Variants in TRIM67 observed in about 807,000 individuals in gnomAD.
The protein encoded by TRIM67 is tripartite motif-containing protein 67.
TRIM67 carries 39 observed loss-of-function variants against 71.0 expected under a neutral mutation model. That is an observed-to-expected ratio of 0.55 (90% CI 0.43 to 0.72). TRIM67 has a LOEUF of 0.72. Ranked by LOEUF, TRIM67 falls within the 30% of genes least tolerant of loss-of-function variation. The probability of loss-of-function intolerance (pLI) is 0.00; values close to 1 mark genes in which losing one functional copy is unlikely to be tolerated. For synonymous variants in TRIM67, 481 were observed against 473.9 expected, an observed-to-expected ratio of 1.01 and a Z score of -0.19; for missense variants, 973 against 1,079.2, an observed-to-expected ratio of 0.90 and a Z score of 1.38.
At chr1:231,197,260 C>T (rs1571891353) in intron 1 of TRIM67, 111 bp from the exon 2 acceptor site, 6 of 758,272 alleles carry the variant, frequency 7.9e-6, no homozygotes, top group Admixed American at 2.3e-5. Context: ...ACAGCAGATG[C>T]GTGGGATCAG....
chr1:231,212,734 AAGGAAGGGAAGGAG>A (rs1290937510), intron 8 of TRIM67, among the ~76,000 whole-genome samples: 1 of 152,130 alleles, frequency 6.6e-6, no homozygotes. Context: ...AAACCACCTC[AAGGAAGGGAAGGAG>A]AGTCTGCAGG....
chr1:231,170,410 T>C (rs1387290485), intron 1 of TRIM67, among the ~76,000 whole-genome samples: 2 of 152,218 alleles, frequency 1.3e-5, no homozygotes, highest in Admixed American at 6.5e-5. Flanking sequence ...ACTATTTATA[T>C]AGAGAAATAT....
intron 1 of TRIM67, among the ~76,000 whole-genome samples, chr1:231,173,010 A>G (rs370749610): frequency 6.6e-6 from 1 of 152,228 alleles, no homozygotes. Context: ...TTCTGAGCTG[A>G]TGCTGCTAAT....
intron 1 of TRIM67, among the ~76,000 whole-genome samples, chr1:231,165,406 G>A (rs1180278569): frequency 6.6e-6 from 1 of 152,184 alleles, no homozygotes; most frequent in East Asian, 1.9e-4. Flanking sequence ...GTATAATACT[G>A]TATGTTTAGC....
In TRIM67 at chr1:231,185,815, G is replaced by A. The variant is rs147342809; in HGVS notation, c.1045-11556G>A. ...GCGAGGGCCACAGTCGGAGGTAAGC[G>A]AGAGGTGATGGCAGAACAGAGATGA... On this transcript the variant is annotated intron_variant, in intron 1 of 9. Coordinates refer to ENST00000366653, the MANE Select transcript of TRIM67 (RefSeq NM_001004342.5). 1.8e-4 allele frequency among the ~76,000 whole-genome samples: 28 copies of A among 152,016 alleles called. 1 individual carries two copies. The East Asian group carries it at 4.2e-3, about 23-fold the overall frequency.
rs768391397 is a variant in TRIM67, at chr1:231,163,830, G to A, written c.861G>A (p.Ala287=). 3.3e-6 allele frequency: 5 copies of A among 1,520,100 alleles called. No homozygotes were observed. The highest frequency in any genetic ancestry group is 2.8e-5 in the African/African-American group (2 of 70,940). The allele number at this position is 1,520,100 out of a possible 1,614,324, so 94.2% of individuals were successfully genotyped here. The change falls in exon 1 of 10, where the codon GCG becomes GCA. Residue 287 remains alanine, a synonymous_variant. Transcript: ENST00000366653. ...GGGGCKSPGG[A]GAGATGGSTA... ...GCGGCTGCAAGAGCCCGGGAGGCGC[G>A]GGGGCGGGGGCGACTGGGGGCAGCA...
intron 5 of TRIM67, among the ~76,000 whole-genome samples, chr1:231,202,428 A>G (rs1244171510): frequency 3.3e-5 from 5 of 152,134 alleles, no homozygotes; most frequent in Admixed American, 3.3e-4. Flanking sequence ...TCCCAAGAGC[A>G]AGAAGGTCAG....
In TRIM67 at chr1:231,201,618, A is replaced by G; in HGVS notation, c.1534+101A>G. The G allele has an allele frequency of 5.7e-6, 8 of 1,402,696 alleles. No individual in the cohort carries two copies. The South Asian group carries it at 1.1e-4, about 20-fold the overall frequency. The allele number at this position is 1,402,696 out of a possible 1,614,324, so 86.9% of individuals were successfully genotyped here. A position where few individuals can be genotyped will look rare whatever the true frequency, so the allele number is the denominator to read the frequency against. ...CCATAGGGAGACCTGTGATGCACGG[A>G]GTGTGGCAGGGTGGGAGAGCAGGAG... On this transcript the variant is annotated intron_variant, in intron 5 of 9. Coordinates refer to ENST00000366653, the MANE Select transcript of TRIM67 (RefSeq NM_001004342.5).
rs1276106358 is a variant in TRIM67, at chr1:231,221,176, G to C, written c.*5736G>C. On this transcript the variant is annotated 3_prime_UTR_variant, in exon 10 of 10. Coordinates refer to ENST00000366653, the MANE Select transcript of TRIM67 (RefSeq NM_001004342.5). ...TAACGTTGGCAAAGGGATTTAACAAGAAACAAAAAGCTTCGCGTCCTTGTT... is the reference window on the plus strand; with the variant it reads ...TAACGTTGGCAAAGGGATTTAACAACAAACAAAAAGCTTCGCGTCCTTGTT... 6.6e-6 allele frequency: 1 copy of C among 152,208 alleles called. No individual in the cohort carries two copies. The highest frequency in any genetic ancestry group is 1.5e-5 in the Non-Finnish European group (1 of 68,026). 9.4% of individuals were successfully genotyped at this position (152,208 alleles called of 1,614,324 possible).
intron 2 of TRIM67, 104 bp from the exon 3 acceptor site, chr1:231,198,943 T>C (rs978251050): frequency 1.3e-6 from 2 of 1,551,274 alleles, no homozygotes; most frequent in Non-Finnish European, 1.8e-6. Context: ...AAATCTAGGA[T>C]GAACTTCTCT....
chr1:231,184,731 C>A (rs1683007860), intron 1 of TRIM67: 1 of 475,290 alleles, frequency 2.1e-6, no homozygotes, highest in Non-Finnish European at 3.8e-6. Flanking sequence ...GGGAAGCTCT[C>A]TCTGGGGTTC....
intron 1 of TRIM67, among the ~76,000 whole-genome samples, chr1:231,169,878 A>C (rs1012405220): frequency 2.6e-5 from 4 of 152,190 alleles, no homozygotes; most frequent in African/African-American, 9.6e-5. Context: ...CAACATCACC[A>C]CTGTCTTCAA....
intron 9 of TRIM67, among the ~76,000 whole-genome samples, chr1:231,214,704 G>A (rs575566775): frequency 2.0e-5 from 3 of 151,352 alleles, no homozygotes; most frequent in East Asian, 2.0e-4. Context: ...GCATGAACCC[G>A]GGAGGCGGAG....
At chr1:231,192,719 C>G (rs558101951) in intron 1 of TRIM67, among the ~76,000 whole-genome samples, 2 of 152,348 alleles carry the variant, frequency 1.3e-5, no homozygotes, top group East Asian at 1.9e-4. Context: ...GGCTGCAGAC[C>G]AGGGCACAGG....
chr1:231,216,297 C>G lies in TRIM67; in HGVS notation c.*857C>G, dbSNP rs1684012328. 1 of 985,024 alleles carries G rather than the reference C, an allele frequency of 1.0e-6. No individual in the cohort carries two copies. Among genetic ancestry groups the G allele is most frequent in the East Asian group, 1.1e-4 (1 of 8,814 alleles). The allele number at this position is 985,024 out of a possible 1,614,324, so 61.0% of individuals were successfully genotyped here. A position where few individuals can be genotyped will look rare whatever the true frequency, so the allele number is the denominator to read the frequency against. ...CCTCCCTCCTTCTCTCTCTCTCTCA[C>G]ACACACACAGGCATGACAGTCTCCT... is the stretch of plus-strand genomic sequence containing the variant. On this transcript the variant is annotated 3_prime_UTR_variant, in exon 10 of 10. Coordinates refer to ENST00000366653, the MANE Select transcript of TRIM67 (RefSeq NM_001004342.5).
At chr1:231,168,769 A>G (rs1383934852) in intron 1 of TRIM67, among the ~76,000 whole-genome samples, 1 of 152,242 alleles carries the variant, frequency 6.6e-6, no homozygotes, top group Non-Finnish European at 1.5e-5. Flanking sequence ...ATTGCTCACT[A>G]TGACCTCTTG....
At chr1:231,185,422 C>T (rs1683042576) in intron 1 of TRIM67, among the ~76,000 whole-genome samples, 1 of 151,776 alleles carries the variant, frequency 6.6e-6, no homozygotes, top group African/African-American at 2.4e-5. Flanking sequence ...CCCACCACGG[C>T]GGGACCCCCA....
chr1:231,201,218 A>T, intron 4 of TRIM67, 140 bp from the exon 5 acceptor site: 1 of 808,984 alleles, frequency 1.2e-6, no homozygotes, highest in Non-Finnish European at 1.9e-6. Context: ...GGAGTCATTT[A>T]ATCTCTGCCA....
In TRIM67 at chr1:231,167,624, CT is replaced by C. The variant is rs74566453; in HGVS notation, c.1044+3623del. Among the ~76,000 whole-genome samples the C allele has an allele frequency of 3.3e-3, 334 of 102,104 alleles. 4 individuals are homozygous for C. The highest frequency in any genetic ancestry group is 8.5e-3 in the Middle Eastern group (2 of 234). 67.0% of individuals were successfully genotyped at this position (102,104 alleles called of 152,430 possible). On this transcript the variant is annotated intron_variant, in intron 1 of 9. Coordinates refer to ENST00000366653, the MANE Select transcript of TRIM67 (RefSeq NM_001004342.5). Reference sequence around the variant, plus strand: ...GGCGTGAGCCACCGCGCCCGGCCGTCTTTTTTTTTTTTAAGAGATAGGGTCT... The same window carrying C: ...GGCGTGAGCCACCGCGCCCGGCCGTCTTTTTTTTTTTAAGAGATAGGGTCT...
Sources: allele counts gnomAD v4.1 joint callset (sites outside exome capture counted in the v4.1 genomes callset), GRCh38; gene constraint gnomAD v4.1.1; transcripts MANE v1.5; gene names NCBI Gene and HGNC (gene_info 2026-07-23, HGNC 2026-07-21).